The following LEKR1 variants were observed in gnomAD, a reference collection of about 807,000 sequenced individuals.
LEKR1 encodes the protein leucine, glutamate and lysine rich 1.
A neutral mutation model predicts 72.4 loss-of-function variants in LEKR1; 59 were observed. The observed-to-expected ratio is 0.82, with a 90% CI of 0.66 to 1.01. The LOEUF (loss-of-function observed/expected upper bound fraction) is 1.01, where lower values mean the gene tolerates loss of function less well. LEKR1 is among the 50% of genes least tolerant of loss of function. The pLI, the probability that LEKR1 is intolerant of heterozygous loss-of-function variation, is 0.00. For missense variants in LEKR1, 728 were observed against 759.2 expected (o/e 0.96, Z 0.48); for synonymous variants, 257 against 263.2 (o/e 0.98, Z 0.23).
rs190847036 is a variant in LEKR1, at chr3:156,942,726, T to A, written c.745+12T>A. On this transcript the variant is annotated intron_variant, in intron 6 of 12. Coordinates refer to ENST00000356539, the MANE Select transcript of LEKR1 (RefSeq NM_001004316.3). ...AAAAGAAGTACTAGGTAAAGAAAAG[T>A]CTTTTGCTGTTTTTGGTGACTAGTT... 2.7e-5 allele frequency: 33 copies of A among 1,220,508 alleles called. No individual in the cohort carries two copies. In the Admixed American group the frequency reaches 1.2e-3, roughly 45 times the overall value. The allele number at this position is 1,220,508 out of a possible 1,614,324, so 75.6% of individuals were successfully genotyped here. A position where few individuals can be genotyped will look rare whatever the true frequency, so the allele number is the denominator to read the frequency against.
chr3:156,896,240 G>T (rs1203291778), intron 3 of LEKR1, among the ~76,000 whole-genome samples: 1 of 152,100 alleles, frequency 6.6e-6, no homozygotes, highest in Non-Finnish European at 1.5e-5. Context: ...AATAGCTAAT[G>T]GATGCTGGGC....
chr3:156,899,420 ATATATACATG>A (rs1307032107), intron 3 of LEKR1, among the ~76,000 whole-genome samples: 6 of 79,886 alleles, frequency 7.5e-5, no homozygotes, highest in Non-Finnish European at 9.3e-5. Context: ...ATATATACAC[ATATATACATG>A]TATATATACA....
At chr3:156,859,125 G>C (rs62275169) in intron 3 of LEKR1, among the ~76,000 whole-genome samples, 4,845 of 152,132 alleles carry the variant, frequency 0.032, 117 homozygotes, top group Non-Finnish European at 0.048. Context: ...ATATAACTTT[G>C]TAATAGATCC....
rs889633565 is a variant in LEKR1 at position 156,842,030 on chromosome 3, G to A, written c.49-10738G>A. ...TGCACATGCAAGGGTTCTAGGTTGT[G>A]TGCTGCTTATGAGAATCTAACTAAT... is the stretch of plus-strand genomic sequence containing the variant. On this transcript the variant is annotated intron_variant, in intron 2 of 12. Coordinates refer to ENST00000356539, the MANE Select transcript of LEKR1 (RefSeq NM_001004316.3). 5.9e-5 allele frequency among the ~76,000 whole-genome samples: 9 copies of A among 152,288 alleles called. No individual in the cohort carries two copies. The East Asian group carries it at 1.7e-3, about 29-fold the overall frequency.
chr3:156,888,321 T>C, intron 3 of LEKR1: 3 of 702,308 alleles, frequency 4.3e-6, no homozygotes, highest in Non-Finnish European at 7.8e-6. Flanking sequence ...GACTCATGCT[T>C]AGACTGGAAG....
At chr3:156,931,097 A>G (rs1386503596) in intron 5 of LEKR1, among the ~76,000 whole-genome samples, 1 of 152,172 alleles carries the variant, frequency 6.6e-6, no homozygotes, top group Non-Finnish European at 1.5e-5. Flanking sequence ...GTTCATCAGA[A>G]GCTATCAGTA....
At chr3:156,827,313 T>C (rs1046470843) in intron 1 of LEKR1, among the ~76,000 whole-genome samples, 2 of 152,166 alleles carry the variant, frequency 1.3e-5, no homozygotes, top group Admixed American at 1.3e-4. Flanking sequence ...AGGGCCCCAG[T>C]CTCCTTGTCA....
At chr3:156,967,389 C>G (rs191548750) in intron 6 of LEKR1, among the ~76,000 whole-genome samples, 1 of 152,044 alleles carries the variant, frequency 6.6e-6, no homozygotes, top group Non-Finnish European at 1.5e-5. Context: ...AAAAATTAGA[C>G]GAATGGATAA....
chr3:156,999,820 G>T (rs1052436301), intron 9 of LEKR1, among the ~76,000 whole-genome samples: 2 of 152,162 alleles, frequency 1.3e-5, no homozygotes, highest in African/African-American at 4.8e-5. Flanking sequence ...GGTGAAGCAG[G>T]TGTCATTTTC....
In LEKR1 at chr3:157,045,349, C is replaced by T. The variant is rs867519546; in HGVS notation, c.1678C>T (p.Leu560Phe). ...CCCTCTCTCTTTTCAGAATACTTTT[C>T]TTCAGGAGACAGTGCGTAGAGAATG... ...FNQSQEENTF[L>F]QETVRRECEE... The change falls in exon 13 of 13, where the codon CTT (leucine) becomes TTT (phenylalanine). Residue 560 changes from leucine to phenylalanine, a missense_variant. Physicochemically the swap from Leu to Phe is conservative, Grantham distance 22 (BLOSUM62 0). Coordinates refer to ENST00000356539, the MANE Select transcript of LEKR1 (RefSeq NM_001004316.3). 6.2e-7 allele frequency: 1 copy of T among 1,607,108 alleles called. No homozygotes were observed. The highest frequency in any genetic ancestry group is 8.5e-7 in the Non-Finnish European group (1 of 1,175,494).
intron 3 of LEKR1, among the ~76,000 whole-genome samples, chr3:156,904,009 G>A (rs1560068309): frequency 6.6e-6 from 1 of 152,288 alleles, no homozygotes; most frequent in South Asian, 2.1e-4. Context: ...CCACAGAAAG[G>A]TAATTATATT....
At chr3:156,855,633 G>T (rs927791189) in intron 3 of LEKR1, among the ~76,000 whole-genome samples, 3 of 151,982 alleles carry the variant, frequency 2.0e-5, no homozygotes, top group Non-Finnish European at 4.4e-5. Flanking sequence ...GCCAGGTTCT[G>T]GTTGGTTAAG....
At chr3:156,972,537 T>C (rs528891067) in intron 6 of LEKR1, among the ~76,000 whole-genome samples, 1 of 152,060 alleles carries the variant, frequency 6.6e-6, no homozygotes, top group African/African-American at 2.4e-5. Context: ...CAGATTTTAG[T>C]TTAAATGAGT....
At chr3:156,837,388 T>A (rs1182377223) in intron 2 of LEKR1, among the ~76,000 whole-genome samples, 1 of 152,182 alleles carries the variant, frequency 6.6e-6, no homozygotes, top group Non-Finnish European at 1.5e-5. Flanking sequence ...ACTGAAAAAT[T>A]CCTGCCCTTT....
chr3:156,864,392 A>G (rs1398327236), intron 3 of LEKR1, among the ~76,000 whole-genome samples: 3 of 151,946 alleles, frequency 2.0e-5, no homozygotes, highest in Non-Finnish European at 4.4e-5. Flanking sequence ...AGTGCCTATT[A>G]TTTCCTCGTT....
chr3:157,034,830 T>C (rs1734850580), intron 12 of LEKR1, among the ~76,000 whole-genome samples: 1 of 152,100 alleles, frequency 6.6e-6, no homozygotes, highest in Admixed American at 6.5e-5. Context: ...ATTTTCTTTT[T>C]GAGACAGAGT....
At chr3:156,883,092 T>A (rs1719636288) in intron 3 of LEKR1, among the ~76,000 whole-genome samples, 1 of 152,038 alleles carries the variant, frequency 6.6e-6, no homozygotes, top group Admixed American at 6.6e-5. Context: ...GCATGGCACA[T>A]GTATACATAT....
intron 12 of LEKR1, among the ~76,000 whole-genome samples, chr3:157,033,758 G>A (rs1734782575): frequency 6.6e-6 from 1 of 152,182 alleles, no homozygotes; most frequent in African/African-American, 2.4e-5. Context: ...TCTATTGGAA[G>A]AAGGTACCAT....
intron 9 of LEKR1, among the ~76,000 whole-genome samples, chr3:156,996,502 G>T (rs763028440): frequency 5.9e-5 from 9 of 152,218 alleles, no homozygotes; most frequent in Non-Finnish European, 1.2e-4. Flanking sequence ...GTGCAATGAA[G>T]AGAAACCATT....
Sources: allele counts gnomAD v4.1 joint callset (sites outside exome capture counted in the v4.1 genomes callset), GRCh38; gene constraint gnomAD v4.1.1; transcripts MANE v1.5; gene names NCBI Gene and HGNC (gene_info 2026-07-23, HGNC 2026-07-21).